The following NAV2 variants were observed in gnomAD, a reference collection of about 807,000 sequenced individuals.
NAV2 encodes the protein neuron navigator 2.
A neutral mutation model predicts 223.2 loss-of-function variants in NAV2; 54 were observed. The ratio of observed to expected loss-of-function variants is 0.24; its 90% CI spans 0.19 to 0.30. The LOEUF is 0.30. Among genes scored for constraint, NAV2 ranks in the 10% least tolerant of loss-of-function variants. NAV2 has a pLI of 1.00. For missense variants in NAV2, 2,806 were observed against 3,147.5 expected, an observed-to-expected ratio of 0.89 and a Z score of 2.60; for synonymous variants, 1,279 against 1,239.3, an observed-to-expected ratio of 1.03 and a Z score of -0.67.
intron 1 of NAV2, among the ~76,000 whole-genome samples, chr11:19,395,913 C>A (rs189723077): frequency 1.3e-5 from 2 of 152,326 alleles, no homozygotes; most frequent in East Asian, 3.9e-4. Flanking sequence ...ATTCCTGTAG[C>A]AGAACTGAGT....
chr11:19,395,907 C>A (rs151205794), intron 1 of NAV2, among the ~76,000 whole-genome samples: 123 of 152,328 alleles, frequency 8.1e-4, no homozygotes, highest in African/African-American at 2.7e-3. Flanking sequence ...GATGCTATTC[C>A]TGTAGCAGAA....
chr11:20,049,156 T>C lies in NAV2; in HGVS notation c.4331T>C (p.Phe1444Ser). 6.2e-7 allele frequency: 1 copy of C among 1,611,088 alleles called. No homozygotes were observed. ...ASSKDDSLTP[F>S]VRTNSVKTTL... ...TCCAAGGACGACTCCTTGACTCCCT[T>C]TGTCAGAACTAACAGTGTGAAGACC... is the stretch of plus-strand genomic sequence containing the variant. The change falls in exon 15 of 38, where the codon TTT (phenylalanine) becomes TCT (serine). Residue 1444 changes from phenylalanine to serine, a missense_variant. Transcript: ENST00000349880.
intron 1 of NAV2, among the ~76,000 whole-genome samples, chr11:19,458,126 G>T (rs7933839): frequency 6.6e-6 from 1 of 152,232 alleles, no homozygotes; most frequent in East Asian, 1.9e-4. Flanking sequence ...CCAGACGACT[G>T]CATCTGGGAA....
intron 20 of NAV2, among the ~76,000 whole-genome samples, chr11:20,062,705 T>C (rs1003695591): frequency 6.6e-6 from 1 of 152,228 alleles, no homozygotes; most frequent in Non-Finnish European, 1.5e-5. Flanking sequence ...TTCTTTCTTT[T>C]TTTATTTGAG....
chr11:19,954,924 T>TGTGG (rs2047711260), intron 10 of NAV2, among the ~76,000 whole-genome samples: 2 of 116,534 alleles, frequency 1.7e-5, no homozygotes, highest in African/African-American at 3.3e-5. Context: ...TGTGTGTGTG[T>TGTGG]GTATATACAT....
intron 11 of NAV2, among the ~76,000 whole-genome samples, chr11:20,002,088 C>T (rs879303033): frequency 2.6e-5 from 4 of 152,150 alleles, no homozygotes; most frequent in Admixed American, 6.5e-5. Context: ...TCTACTTGTA[C>T]GTTCACATGG....
At chr11:19,482,763 T>G (rs576681557) in intron 1 of NAV2, among the ~76,000 whole-genome samples, 1 of 152,316 alleles carries the variant, frequency 6.6e-6, no homozygotes, top group South Asian at 2.1e-4. Flanking sequence ...CAACATACCT[T>G]AGTACTGTTT....
chr11:19,972,632 C>G (rs1017984706), intron 10 of NAV2, among the ~76,000 whole-genome samples: 6 of 152,170 alleles, frequency 3.9e-5, no homozygotes, highest in Admixed American at 1.3e-4. Context: ...TGATCTCCCT[C>G]CCCCAAGCCA....
At chr11:20,079,828 C>A (rs535741771) in intron 24 of NAV2, among the ~76,000 whole-genome samples, 26 of 152,278 alleles carry the variant, frequency 1.7e-4, no homozygotes, top group African/African-American at 6.3e-4. Context: ...CCTACACCTC[C>A]CTTGACTTCT....
At chr11:19,546,983 A>C (rs1399646292) in intron 1 of NAV2, among the ~76,000 whole-genome samples, 4 of 152,230 alleles carry the variant, frequency 2.6e-5, no homozygotes, top group Non-Finnish European at 5.9e-5. Flanking sequence ...CTGGAAGCTC[A>C]GATGTAGCCT....
intron 1 of NAV2, among the ~76,000 whole-genome samples, chr11:19,496,004 C>T (rs1307340714): frequency 6.6e-6 from 1 of 152,052 alleles, no homozygotes. Context: ...CCTTCTGACA[C>T]AGTGGATACA....
chr11:19,470,551 T>C (rs1362126971), intron 1 of NAV2, among the ~76,000 whole-genome samples: 2 of 152,188 alleles, frequency 1.3e-5, no homozygotes, highest in Non-Finnish European at 2.9e-5. Flanking sequence ...AACAAATCTG[T>C]TCTTGTGATA....
chr11:19,893,519 A>G (rs902046887), intron 6 of NAV2, among the ~76,000 whole-genome samples: 7 of 152,156 alleles, frequency 4.6e-5, no homozygotes, highest in African/African-American at 1.7e-4. Flanking sequence ...CAGCCCTCCT[A>G]CTGTGAATGA....
chr11:20,043,092 C>T (rs987124823), intron 12 of NAV2, among the ~76,000 whole-genome samples: 3 of 152,168 alleles, frequency 2.0e-5, no homozygotes, highest in African/African-American at 7.2e-5. Context: ...CATTGGCTCT[C>T]CGCATTTGGG....
intron 1 of NAV2, among the ~76,000 whole-genome samples, chr11:19,563,436 T>C (rs1198339561): frequency 6.6e-6 from 1 of 152,220 alleles, no homozygotes; most frequent in African/African-American, 2.4e-5. Flanking sequence ...CAGAGGGACC[T>C]TTATAGACCA....
At chr11:20,082,422 G>A (rs984932315) in intron 25 of NAV2, among the ~76,000 whole-genome samples, 2 of 152,142 alleles carry the variant, frequency 1.3e-5, no homozygotes, top group African/African-American at 2.4e-5. Flanking sequence ...CATGCCCCCA[G>A]TGCTTTTAAA....
intron 13 of NAV2, among the ~76,000 whole-genome samples, chr11:20,044,748 G>C (rs955931360): frequency 4.6e-5 from 7 of 152,138 alleles, no homozygotes; most frequent in African/African-American, 1.7e-4. Flanking sequence ...GCTTTATCCT[G>C]GGTAAATTTA....
In NAV2 at chr11:19,678,146, C is replaced by T. The variant is rs548082472; in HGVS notation, c.76-154338C>T. On this transcript the variant is annotated intron_variant, in intron 1 of 37. Transcript: ENST00000360655. Reference sequence around the variant, plus strand: ...CAGAGGGGAGTTGAGTCCCAACTTGCACTTGGAGAGCGCCCAAGATAATAA... The same window carrying T: ...CAGAGGGGAGTTGAGTCCCAACTTGTACTTGGAGAGCGCCCAAGATAATAA... 2.4e-4 allele frequency among the ~76,000 whole-genome samples: 37 copies of T among 152,270 alleles called. No homozygotes were observed. The South Asian group carries it at 6.2e-3, about 26-fold the overall frequency.
upstream of NAV2, among the ~76,000 whole-genome samples, chr11:19,709,038 C>T (rs539626584): frequency 3.3e-5 from 5 of 152,084 alleles, no homozygotes; most frequent in South Asian, 4.2e-4. Flanking sequence ...TTTAAAATGA[C>T]GTTTTTCATG....
Sources: allele counts gnomAD v4.1 joint callset (sites outside exome capture counted in the v4.1 genomes callset), GRCh38; gene constraint gnomAD v4.1.1; transcripts MANE v1.5; gene names NCBI Gene and HGNC (gene_info 2026-07-23, HGNC 2026-07-21).